The following TMTC1 variants were observed in gnomAD, a reference collection of about 807,000 sequenced individuals.
TMTC1 encodes the protein protein O-mannosyl-transferase TMTC1.
A neutral mutation model predicts 104.8 loss-of-function variants in TMTC1; 73 were observed. That is an observed-to-expected ratio of 0.70 (90% CI 0.58 to 0.85). TMTC1 has a LOEUF of 0.85. TMTC1 is among the 40% of genes least tolerant of loss of function. TMTC1 has a pLI of 0.00. For synonymous variants in TMTC1, 434 were observed against 428.7 expected, an observed-to-expected ratio of 1.01 and a Z score of -0.15; for missense variants, 1,035 against 1,096.1, an observed-to-expected ratio of 0.94 and a Z score of 0.79.
intron 7 of TMTC1, among the ~76,000 whole-genome samples, chr12:29,598,239 G>A (rs1456688365): frequency 6.6e-6 from 1 of 152,188 alleles, no homozygotes; most frequent in Non-Finnish European, 1.5e-5. Context: ...CTCTCTTCTA[G>A]CAACTCCAAA....
chr12:29,697,015 A>G (rs1257215710), intron 5 of TMTC1, among the ~76,000 whole-genome samples: 1 of 152,254 alleles, frequency 6.6e-6, no homozygotes, highest in Non-Finnish European at 1.5e-5. Context: ...CATTCACTGT[A>G]TAAACTAGAA....
intron 5 of TMTC1, among the ~76,000 whole-genome samples, chr12:29,665,427 A>G (rs1225017959): frequency 6.6e-6 from 1 of 152,132 alleles, no homozygotes; most frequent in Non-Finnish European, 1.5e-5. Flanking sequence ...CACATCCACC[A>G]TCCCAGTATA....
intron 7 of TMTC1, among the ~76,000 whole-genome samples, chr12:29,592,043 T>C (rs1167605942): frequency 6.6e-6 from 1 of 152,240 alleles, no homozygotes; most frequent in African/African-American, 2.4e-5. Context: ...TTCTGTTGAA[T>C]TATATGCAAC....
At chr12:29,588,461 A>G (rs1393216811) in intron 7 of TMTC1, among the ~76,000 whole-genome samples, 2 of 152,130 alleles carry the variant, frequency 1.3e-5, no homozygotes, top group Non-Finnish European at 2.9e-5. Context: ...CCCAACCCAA[A>G]CTGAGCAGGG....
intron 7 of TMTC1, among the ~76,000 whole-genome samples, chr12:29,600,185 G>T (rs941056443): frequency 2.6e-5 from 4 of 151,394 alleles, no homozygotes; most frequent in Non-Finnish European, 5.9e-5. Flanking sequence ...TTTATTAAAT[G>T]GAACAGGCAT....
At chr12:29,721,854 T>C (rs1942245997) in intron 5 of TMTC1, among the ~76,000 whole-genome samples, 1 of 151,966 alleles carries the variant, frequency 6.6e-6, no homozygotes, top group Non-Finnish European at 1.5e-5. Context: ...TCTTTAATAA[T>C]AATTTTTAAA....
intron 1 of TMTC1, among the ~76,000 whole-genome samples, chr12:29,777,869 C>T (rs1167992610): frequency 6.6e-6 from 1 of 152,142 alleles, no homozygotes; most frequent in Non-Finnish European, 1.5e-5. Context: ...CTTGTGGCAA[C>T]AGGCTGTGTC....
chr12:29,648,397 A>ATTTTCTTTTC (rs112571814), intron 5 of TMTC1, among the ~76,000 whole-genome samples: 5 of 152,084 alleles, frequency 3.3e-5, no homozygotes, highest in African/African-American at 1.2e-4. Flanking sequence ...CTTGAAGAAT[A>ATTTTCTTTTC]TTTTCTTTTC....
intron 7 of TMTC1, 50 bp from the exon 8 acceptor site, chr12:29,583,624 TC>T (rs750538515): frequency 3.3e-6 from 5 of 1,510,626 alleles, no homozygotes; most frequent in Non-Finnish European, 3.6e-6. Context: ...TGCAATAGCT[TC>T]CCCCCAGAAT....
chr12:29,555,133 C>CTTT (rs1432538057), intron 10 of TMTC1, among the ~76,000 whole-genome samples: 1 of 40,932 alleles, frequency 2.4e-5, no homozygotes, highest in Admixed American at 4.1e-4. Flanking sequence ...GTTCCAACAT[C>CTTT]CTTTTTTTTT....
At chr12:29,660,816 CA>C in intron 5 of TMTC1, 4 of 1,453,412 alleles carry the variant, frequency 2.8e-6, no homozygotes, top group Admixed American at 2.1e-5. Flanking sequence ...AACTTAGGAC[CA>C]AAATGGCCCT....
At chr12:29,582,993 C>G (rs1424507912) in intron 8 of TMTC1, among the ~76,000 whole-genome samples, 12 of 152,224 alleles carry the variant, frequency 7.9e-5, no homozygotes, top group Non-Finnish European at 4.4e-5. Context: ...AACTAGGTCA[C>G]AGATCACAGC....
chr12:29,596,867 G>T (rs978920768), intron 7 of TMTC1, among the ~76,000 whole-genome samples: 1 of 152,164 alleles, frequency 6.6e-6, no homozygotes, highest in African/African-American at 2.4e-5. Flanking sequence ...AAAGTGACTT[G>T]TTATTTGTGG....
At chr12:29,683,407 T>G (rs2136723879) in intron 5 of TMTC1, among the ~76,000 whole-genome samples, 1 of 152,294 alleles carries the variant, frequency 6.6e-6, no homozygotes, top group East Asian at 1.9e-4. Flanking sequence ...AGAAAGAAGT[T>G]AGGATAAACA....
At position 29,626,510 on chromosome 12, in the gene TMTC1, G is replaced by C. The variant is rs531990860; in HGVS notation, c.1128+6637C>G. The stretch of plus-strand genomic sequence containing the variant: ...AATTCATTTACAAAAAGATGTATCA[G>C]ATGGTTACTTTAAAATAAGGTGTTT... On this transcript the variant is annotated intron_variant, in intron 6 of 17. Transcript: ENST00000539277. Among the ~76,000 whole-genome samples, 19 of 152,266 alleles carry C rather than the reference G, an allele frequency of 1.2e-4. No individual in the cohort carries two copies. In the South Asian group the frequency reaches 3.9e-3, roughly 32 times the overall value.
chr12:29,701,806 C>T (rs966219229), intron 5 of TMTC1, among the ~76,000 whole-genome samples: 1 of 152,156 alleles, frequency 6.6e-6, no homozygotes, highest in Admixed American at 6.5e-5. Flanking sequence ...AGATTCACTA[C>T]CCAATTAAAT....
intron 10 of TMTC1, among the ~76,000 whole-genome samples, chr12:29,555,665 T>G (rs1240122007): frequency 1.3e-5 from 2 of 152,202 alleles, no homozygotes; most frequent in Non-Finnish European, 2.9e-5. Flanking sequence ...CATCCTTTTT[T>G]ATGGCTGCAT....
rs949198915 is a variant in TMTC1 at position 29,650,292 on chromosome 12, C to G, written c.939-16956G>C. Among the ~76,000 whole-genome samples the G allele has an allele frequency of 1.1e-4, 16 of 152,118 alleles. 1 individual carries two copies. The highest frequency in any genetic ancestry group is 3.9e-4 in the African/African-American group (16 of 41,520). On this transcript the variant is annotated intron_variant, in intron 5 of 17. Coordinates refer to ENST00000539277, the MANE Select transcript of TMTC1 (RefSeq NM_001193451.2). ...TAGAGATGGGGTTTCACCATGTTAG[C>G]CAGGCTGGTCTCAAACTCCTGACCT...
Position 29,744,055 on chromosome 12 carries a change from T to C in TMTC1, c.938+7611A>G, listed in dbSNP as rs74082504. 3.7e-3 allele frequency among the ~76,000 whole-genome samples: 567 copies of C among 152,282 alleles called. 9 individuals are homozygous for C. Among genetic ancestry groups the C allele is most frequent in the African/African-American group, 0.012 (497 of 41,556 alleles). The stretch of plus-strand genomic sequence containing the variant: ...CTCTTTCAACAGCCTGTTGTGACAG[T>C]GATGGAATTGCATGCCAACCAGAAA... On this transcript the variant is annotated intron_variant, in intron 5 of 17. Transcript: ENST00000539277.
Sources: allele counts gnomAD v4.1 joint callset (sites outside exome capture counted in the v4.1 genomes callset), GRCh38; gene constraint gnomAD v4.1.1; transcripts MANE v1.5; gene names NCBI Gene and HGNC (gene_info 2026-07-23, HGNC 2026-07-21).